The following NALF2 variants were observed in gnomAD, a reference collection of about 807,000 sequenced individuals.
NALF2 encodes NALCN channel auxiliary factor 2.
Under a neutral mutation model 24.8 loss-of-function variants are expected in NALF2, and 1 was observed. The ratio of observed to expected loss-of-function variants is 0.04; its 90% CI spans 0.01 to 0.19. The LOEUF is 0.19. NALF2 is among the 10% of genes least tolerant of loss of function. The probability of loss-of-function intolerance (pLI) is 1.00; values close to 1 mark genes in which losing one functional copy is unlikely to be tolerated. For missense variants in NALF2, 458 were observed against 409.6 expected, an observed-to-expected ratio of 1.12 and a Z score of -1.02; for synonymous variants, 254 against 189.8, an observed-to-expected ratio of 1.34 and a Z score of -2.78.
At chrX:69,523,786 T>C (rs775625286) in intron 1 of NALF2, among the ~76,000 whole-genome samples, 1 of 110,401 alleles carries the variant, frequency 9.1e-6, no homozygotes, top group South Asian at 4.0e-4. Flanking sequence ...ATGCCAGGGC[T>C]AGAGTTTGAA....
chrX:69,506,381 G>C (rs949797282), intron 1 of NALF2, among the ~76,000 whole-genome samples: 1 of 112,671 alleles, frequency 8.9e-6, no homozygotes, highest in Non-Finnish European at 1.9e-5. Flanking sequence ...TTAGGCCTGG[G>C]GCTTCCTGGC....
intron 1 of NALF2, among the ~76,000 whole-genome samples, chrX:69,520,130 C>T (rs1396274397): frequency 8.9e-6 from 1 of 112,335 alleles, no homozygotes; most frequent in Non-Finnish European, 1.9e-5. Flanking sequence ...TAGGCAATGC[C>T]ATCCACTTTC....
chrX:69,521,469 G>C (rs775053624), intron 1 of NALF2, among the ~76,000 whole-genome samples: 2 of 111,462 alleles, frequency 1.8e-5, no homozygotes, highest in Non-Finnish European at 3.8e-5. Context: ...CCCATTGTAA[G>C]TTGAGAGTAT....
At chrX:69,518,505 C>A (rs953885460) in intron 1 of NALF2, among the ~76,000 whole-genome samples, 1 of 110,094 alleles carries the variant, frequency 9.1e-6, no homozygotes, top group African/African-American at 3.3e-5. Context: ...TTGACTGTTT[C>A]TTCTGATATT....
rs751154658 is a variant in NALF2, at chrX:69,505,335, TCTGCTG to T, written c.69_74del (p.Cys23_Cys24del). The T allele has an allele frequency of 7.5e-5, 86 of 1,147,964 alleles. No individual in the cohort carries two copies. The highest frequency in any genetic ancestry group is 1.3e-4 in the Admixed American group (5 of 37,196). The allele number at this position is 1,147,964 out of a possible 1,213,427, so 94.6% of individuals were successfully genotyped here. ...GGGAAAGACGCCGCCGCGCTGACTATCTGCTGCTGCTGCTGCTGCTGGGCTCCCAGG... is the reference window on the plus strand; with the variant it reads ...GGGAAAGACGCCGCCGCGCTGACTATCTGCTGCTGCTGCTGGGCTCCCAGG... On this transcript the variant is annotated inframe_deletion, in exon 1 of 3. Coordinates refer to ENST00000252338, the MANE Select transcript of NALF2 (RefSeq NM_015686.3).
chrX:69,525,089 A>G (rs1930787484), intron 1 of NALF2, among the ~76,000 whole-genome samples: 1 of 110,986 alleles, frequency 9.0e-6, no homozygotes. Flanking sequence ...TCCCCAACCT[A>G]CCCTGGCTGG....
chrX:69,530,020 G>T lies in NALF2; in HGVS notation c.*64G>T. 1.1e-6 allele frequency: 1 copy of T among 919,457 alleles called. No individual in the cohort carries two copies. Among genetic ancestry groups the T allele is most frequent in the Non-Finnish European group, 1.5e-6 (1 of 673,825 alleles). The allele number at this position is 919,457 out of a possible 1,213,427, so 75.8% of individuals were successfully genotyped here. A position where few individuals can be genotyped will look rare whatever the true frequency, so the allele number is the denominator to read the frequency against. ...CAGCTCCAGCTCCCCCAGGTTGGGG[G>T]GGAGGGGGCTCCTCCCATGGGAGGT... On this transcript the variant is annotated 3_prime_UTR_variant, in exon 3 of 3. Coordinates refer to ENST00000252338, the MANE Select transcript of NALF2 (RefSeq NM_015686.3).
chrX:69,505,199 C>T lies in NALF2; in HGVS notation c.-84C>T. On this transcript the variant is annotated 5_prime_UTR_variant, in exon 1 of 3. Transcript: ENST00000252338. Reference sequence around the variant, plus strand: ...AGAGCCTGGACGGCGCCGAGGAGCGCAGAGCGGCGCGCAGCCCGCCCGCCC... The same window carrying T: ...AGAGCCTGGACGGCGCCGAGGAGCGTAGAGCGGCGCGCAGCCCGCCCGCCC... 1 of 980,652 alleles carries T rather than the reference C, an allele frequency of 1.0e-6. No individual in the cohort carries two copies. The highest frequency in any genetic ancestry group is 2.1e-5 in the African/African-American group (1 of 48,491). The allele number at this position is 980,652 out of a possible 1,213,427, so 80.8% of individuals were successfully genotyped here.
In NALF2 at chrX:69,530,143, T is replaced by C; in HGVS notation, c.*187T>C. 2.5e-6 allele frequency: 1 copy of C among 392,890 alleles called. No individual in the cohort carries two copies. The highest frequency in any genetic ancestry group is 4.3e-6 in the Non-Finnish European group (1 of 231,796). The allele number at this position is 392,890 out of a possible 1,213,427, so 32.4% of individuals were successfully genotyped here. ...GCTCCAACAGAATGGCCAGAGGGCCTCAGGGAGCTGCAAAACTCATCCAGG... is the reference window on the plus strand; with the variant it reads ...GCTCCAACAGAATGGCCAGAGGGCCCCAGGGAGCTGCAAAACTCATCCAGG... On this transcript the variant is annotated 3_prime_UTR_variant, in exon 3 of 3. Transcript: ENST00000252338.
rs1003102781 is a variant in NALF2, at chrX:69,529,253, G to A, written c.1033+89G>A. On this transcript the variant is annotated intron_variant, in intron 2 of 2. Coordinates refer to ENST00000252338, the MANE Select transcript of NALF2 (RefSeq NM_015686.3). ...GGAGTTGGGAGCAGGGATAACAACA[G>A]GGGAGTCAGGTGAGAAGAAGGCCAG... 7 of 996,756 alleles carry A rather than the reference G, an allele frequency of 7.0e-6. No individual in the cohort carries two copies. In the South Asian group the frequency reaches 1.5e-4, roughly 21 times the overall value. The allele number at this position is 996,756 out of a possible 1,213,427, so 82.1% of individuals were successfully genotyped here. A position where few individuals can be genotyped will look rare whatever the true frequency, so the allele number is the denominator to read the frequency against.
At chrX:69,525,717 C>T (rs971141230) in intron 1 of NALF2, among the ~76,000 whole-genome samples, 6 of 109,317 alleles carry the variant, frequency 5.5e-5, no homozygotes, top group Non-Finnish European at 1.1e-4. Flanking sequence ...CCTCACCCCA[C>T]TCTTAACCCT....
At position 69,529,981 on chromosome X, in the gene NALF2, C is replaced by G. The variant is rs1156490978; in HGVS notation, c.*25C>G. ...ACAGTAGGGAGGGAGGACAGACCTC[C>G]ACCACACTGACATCAGCTCCAGCTC... is the stretch of plus-strand genomic sequence containing the variant. On this transcript the variant is annotated 3_prime_UTR_variant, in exon 3 of 3. Coordinates refer to ENST00000252338, the MANE Select transcript of NALF2 (RefSeq NM_015686.3). 9.0e-7 allele frequency: 1 copy of G among 1,113,910 alleles called. No homozygotes were observed. The highest frequency in any genetic ancestry group is 1.8e-5 in the African/African-American group (1 of 54,842). The allele number at this position is 1,113,910 out of a possible 1,213,427, so 91.8% of individuals were successfully genotyped here.
At chrX:69,517,176 G>C (rs1930674107) in intron 1 of NALF2, among the ~76,000 whole-genome samples, 1 of 111,709 alleles carries the variant, frequency 9.0e-6, no homozygotes, top group Non-Finnish European at 1.9e-5. Context: ...AATAGCTGTT[G>C]AGAACTTGAA....
intron 1 of NALF2, among the ~76,000 whole-genome samples, chrX:69,516,399 T>C (rs1231871064): frequency 3.6e-5 from 4 of 112,309 alleles, no homozygotes; most frequent in African/African-American, 1.3e-4. Context: ...ACACAGTTGG[T>C]GGCAGAGCCA....
At position 69,530,018 on chromosome X, in the gene NALF2, G is replaced by C. The variant is rs372592754; in HGVS notation, c.*62G>C. On this transcript the variant is annotated 3_prime_UTR_variant, in exon 3 of 3. Coordinates refer to ENST00000252338, the MANE Select transcript of NALF2 (RefSeq NM_015686.3). ...ATCAGCTCCAGCTCCCCCAGGTTGGGGGGGAGGGGGCTCCTCCCATGGGAG... is the reference window on the plus strand; with the variant it reads ...ATCAGCTCCAGCTCCCCCAGGTTGGCGGGGAGGGGGCTCCTCCCATGGGAG... 22 of 938,884 alleles carry C rather than the reference G, an allele frequency of 2.3e-5. No individual in the cohort carries two copies. Among genetic ancestry groups the C allele is most frequent in the African/African-American group, 2.0e-4 (10 of 50,903 alleles). 77.4% of individuals were successfully genotyped at this position (938,884 alleles called of 1,213,427 possible). A position where few individuals can be genotyped will look rare whatever the true frequency, so the allele number is the denominator to read the frequency against.
chrX:69,532,040 C>G lies in NALF2; in HGVS notation c.*2084C>G, dbSNP rs761437974. The G allele has an allele frequency of 8.9e-6, 1 of 112,646 alleles. No individual in the cohort carries two copies. The highest frequency in any genetic ancestry group is 3.7e-4 in the South Asian group (1 of 2,699). The allele number at this position is 112,646 out of a possible 1,213,427, so 9.3% of individuals were successfully genotyped here. On this transcript the variant is annotated 3_prime_UTR_variant, in exon 3 of 3. Coordinates refer to ENST00000252338, the MANE Select transcript of NALF2 (RefSeq NM_015686.3). ...GGACCCTTGGAGACTCCCATCCTCT[C>G]TTCCCCCTCACCAAGTGCCCAGGAG... is the stretch of plus-strand genomic sequence containing the variant.
intron 1 of NALF2, among the ~76,000 whole-genome samples, chrX:69,509,951 C>T (rs1292233864): frequency 8.9e-6 from 1 of 111,857 alleles, no homozygotes; most frequent in African/African-American, 3.3e-5. Flanking sequence ...CGTAACAGTC[C>T]TGTGAGGTCA....
intron 1 of NALF2, among the ~76,000 whole-genome samples, chrX:69,522,503 C>T (rs1283553236): frequency 1.8e-5 from 2 of 112,092 alleles, no homozygotes; most frequent in Non-Finnish European, 1.9e-5. Context: ...CCCTGCCTTT[C>T]CTTCAGGCCA....
Position 69,528,988 on chromosome X carries a change from C to T in NALF2, c.862-5C>T. The T allele has an allele frequency of 8.3e-7, 1 of 1,204,214 alleles. No homozygotes were observed. The highest frequency in any genetic ancestry group is 1.1e-6 in the Non-Finnish European group (1 of 891,513). ...ATGGGCTGATGCTCTTTCCTCTCCC[C>T]ACAGGCTGTCTACAAGGCCTGGCTG... On this transcript the variant is annotated splice_polypyrimidine_tract_variant and splice_region_variant and intron_variant, in intron 1 of 2. Coordinates refer to ENST00000252338, the MANE Select transcript of NALF2 (RefSeq NM_015686.3).
Sources: gnomAD v4.1 joint callset for allele counts (sites outside exome capture counted in the v4.1 genomes callset) on GRCh38, gnomAD v4.1.1 for gene constraint, MANE v1.5 for transcripts, NCBI Gene and HGNC (gene_info 2026-07-23, HGNC 2026-07-21) for gene names.